NXPH2: variants seen among roughly 807,000 people sequenced by gnomAD.
NXPH2 encodes neurexophilin-2.
NXPH2 carries 5 observed loss-of-function variants against 19.8 expected under a neutral mutation model. The observed-to-expected ratio is 0.25, with a 90% CI of 0.13 to 0.53. The LOEUF (loss-of-function observed/expected upper bound fraction) is 0.53. Ranked by LOEUF, NXPH2 falls within the 20% of genes least tolerant of loss-of-function variation. NXPH2 has a pLI of 0.96. For missense variants in NXPH2, 289 were observed against 322.8 expected, an observed-to-expected ratio of 0.90 and a Z score of 0.80; for synonymous variants, 154 against 127.4, an observed-to-expected ratio of 1.21 and a Z score of -1.41.
intron 1 of NXPH2, among the ~76,000 whole-genome samples, chr2:138,754,952 T>C (rs1681884305): frequency 6.6e-6 from 1 of 152,186 alleles, no homozygotes; most frequent in South Asian, 2.1e-4. Context: ...AAATGTTCAA[T>C]CATGAATGAC....
chr2:138,757,835 ATC>A (rs1681939286), intron 1 of NXPH2, among the ~76,000 whole-genome samples: 1 of 135,736 alleles, frequency 7.4e-6, no homozygotes, highest in Non-Finnish European at 1.7e-5. Context: ...CTATCTATCT[ATC>A]TATCTATCTA....
intron 1 of NXPH2, among the ~76,000 whole-genome samples, chr2:138,778,974 G>A (rs1682308345): frequency 6.6e-6 from 1 of 152,292 alleles, no homozygotes; most frequent in African/African-American, 2.4e-5. Context: ...CATCTCAGAG[G>A]TCTCTCCACC....
At chr2:138,761,568 TGAGAGATGATG>T (rs1287993234) in intron 1 of NXPH2, among the ~76,000 whole-genome samples, 3 of 152,204 alleles carry the variant, frequency 2.0e-5, no homozygotes, top group African/African-American at 7.2e-5. Context: ...AGTGCTATTC[TGAGAGATGATG>T]TAGAAAATCC....
intron 1 of NXPH2, among the ~76,000 whole-genome samples, chr2:138,692,401 T>G (rs558373649): frequency 6.6e-6 from 1 of 152,338 alleles, no homozygotes; most frequent in East Asian, 1.9e-4. Flanking sequence ...ATATTCAATA[T>G]ATGTGTAACG....
At chr2:138,757,638 G>A (rs1202602895) in intron 1 of NXPH2, among the ~76,000 whole-genome samples, 1 of 152,274 alleles carries the variant, frequency 6.6e-6, no homozygotes, top group Admixed American at 6.5e-5. Context: ...GAGACACAGA[G>A]AAAACAGGCT....
At chr2:138,715,741 AT>A (rs1681187597) in intron 1 of NXPH2, among the ~76,000 whole-genome samples, 1 of 152,004 alleles carries the variant, frequency 6.6e-6, no homozygotes, top group Non-Finnish European at 1.5e-5. Flanking sequence ...TTTCCTTTAT[AT>A]TTTCCCTCTA....
intron 1 of NXPH2, among the ~76,000 whole-genome samples, chr2:138,773,617 A>G (rs1682211955): frequency 6.6e-6 from 1 of 152,192 alleles, no homozygotes; most frequent in Admixed American, 6.5e-5. Context: ...TATTTCTTAA[A>G]TTACTGTTTT....
At chr2:138,750,183 T>G (rs775919765) in intron 1 of NXPH2, among the ~76,000 whole-genome samples, 4 of 152,190 alleles carry the variant, frequency 2.6e-5, no homozygotes, top group Non-Finnish European at 5.9e-5. Flanking sequence ...TCTTCTTTAT[T>G]CTTTTCCATG....
At chr2:138,752,235 C>T (rs964746864) in intron 1 of NXPH2, among the ~76,000 whole-genome samples, 2 of 152,018 alleles carry the variant, frequency 1.3e-5, no homozygotes, top group African/African-American at 4.8e-5. Context: ...GACTCCTTAT[C>T]CCTAGATTGA....
Position 138,715,692 on chromosome 2 carries a change from G to A in NXPH2, c.52-44027C>T, listed in dbSNP as rs1369306765. On this transcript the variant is annotated intron_variant, in intron 1 of 1. Coordinates refer to ENST00000272641, the MANE Select transcript of NXPH2 (RefSeq NM_007226.3). ...CGAAGAAGGAGATCCTTATTCTGGC[G>A]GTAGAGGGCTTTCCTGTTTCTACTT... Among the ~76,000 whole-genome samples the A allele has an allele frequency of 3.3e-5, 5 of 152,148 alleles. No homozygotes were observed. In the South Asian group the frequency reaches 1.0e-3, roughly 32 times the overall value.
At chr2:138,713,480 C>T (rs140185868) in intron 1 of NXPH2, among the ~76,000 whole-genome samples, 105 of 152,290 alleles carry the variant, frequency 6.9e-4, no homozygotes, top group Non-Finnish European at 1.1e-3. Context: ...GCTCAGGATT[C>T]ATCTCCTGAT....
rs951294844 is a variant in NXPH2, at chr2:138,720,312, T to C, written c.52-48647A>G. On this transcript the variant is annotated intron_variant, in intron 1 of 1. Coordinates refer to ENST00000272641, the MANE Select transcript of NXPH2 (RefSeq NM_007226.3). ...CCTCAGTAACAGAAAACAAGTATGC[T>C]TGTAAACTTTCTCACAGGCCATGAC... Among the ~76,000 whole-genome samples the C allele has an allele frequency of 3.3e-5, 5 of 152,314 alleles. No homozygotes were observed. In the East Asian group the frequency reaches 5.8e-4, roughly 18 times the overall value.
intron 1 of NXPH2, among the ~76,000 whole-genome samples, chr2:138,732,997 C>T (rs564120442): frequency 4.3e-4 from 65 of 152,310 alleles, no homozygotes; most frequent in Non-Finnish European, 1.9e-4. Context: ...GCTGCTGTGA[C>T]TTCTTCCTCT....
chr2:138,749,836 A>G (rs572992043), intron 1 of NXPH2, among the ~76,000 whole-genome samples: 35 of 152,322 alleles, frequency 2.3e-4, no homozygotes, highest in Admixed American at 2.3e-3. Flanking sequence ...ATTCTTCTAC[A>G]AACTTAAGAC....
chr2:138,728,423 G>A (rs960774664), intron 1 of NXPH2, among the ~76,000 whole-genome samples: 2 of 152,174 alleles, frequency 1.3e-5, no homozygotes, highest in African/African-American at 4.8e-5. Context: ...TTCTAAAACT[G>A]AGTTTTCCAT....
At chr2:138,758,097 T>C (rs539903318) in intron 1 of NXPH2, among the ~76,000 whole-genome samples, 2 of 152,282 alleles carry the variant, frequency 1.3e-5, no homozygotes, top group African/African-American at 4.8e-5. Flanking sequence ...ATTTCTATCA[T>C]CTTCTAAATC....
chr2:138,766,786 C>T (rs1003393222), intron 1 of NXPH2, among the ~76,000 whole-genome samples: 1 of 152,114 alleles, frequency 6.6e-6, no homozygotes, highest in African/African-American at 2.4e-5. Flanking sequence ...AAATACAAAA[C>T]ACAAAATATA....
At chr2:138,759,923 A>G (rs1573981080) in intron 1 of NXPH2, among the ~76,000 whole-genome samples, 1 of 151,542 alleles carries the variant, frequency 6.6e-6, no homozygotes, top group East Asian at 2.0e-4. Flanking sequence ...TAGAGATGGG[A>G]TTTCACCATG....
intron 1 of NXPH2, among the ~76,000 whole-genome samples, chr2:138,692,718 G>T (rs35086492): frequency 0.013 from 1,921 of 152,046 alleles, 12 homozygotes; most frequent in Non-Finnish European, 0.02. Context: ...TCTGACTATG[G>T]CCTAATTTTA....
Sources: gnomAD v4.1 joint callset for allele counts (sites outside exome capture counted in the v4.1 genomes callset) on GRCh38, gnomAD v4.1.1 for gene constraint, MANE v1.5 for transcripts, NCBI Gene and HGNC (gene_info 2026-07-23, HGNC 2026-07-21) for gene names.